SLC9A4: variants seen among roughly 807,000 people sequenced by gnomAD.
The protein encoded by SLC9A4 is sodium/hydrogen exchanger 4.
Under a neutral mutation model 67.4 loss-of-function variants are expected in SLC9A4, and 63 were observed. The ratio of observed to expected loss-of-function variants is 0.93; its 90% CI spans 0.76 to 1.15. The LOEUF is 1.15. Among genes scored for constraint, SLC9A4 ranks in the 50% most tolerant of loss-of-function variants. The pLI, the probability that SLC9A4 is intolerant of heterozygous loss-of-function variation, is 0.00. For synonymous variants in SLC9A4, 393 were observed against 367.2 expected (o/e 1.07, Z -0.80); for missense variants, 1,089 against 987.7 (o/e 1.10, Z -1.38).
intron 2 of SLC9A4, among the ~76,000 whole-genome samples, chr2:102,486,647 G>A (rs937178265): frequency 1.3e-5 from 2 of 152,160 alleles, no homozygotes; most frequent in Non-Finnish European, 2.9e-5. Flanking sequence ...TGTATGGGGG[G>A]CGTGGACCTA....
intron 11 of SLC9A4, among the ~76,000 whole-genome samples, chr2:102,528,424 A>G (rs13022342): frequency 6.6e-6 from 1 of 150,752 alleles, no homozygotes; most frequent in East Asian, 1.9e-4. Flanking sequence ...TTTAATTTAA[A>G]TTTTTTTAGA....
intron 10 of SLC9A4, 94 bp from the exon 11 acceptor site, chr2:102,526,165 G>A (rs917128590): frequency 1.5e-6 from 2 of 1,329,500 alleles, no homozygotes; most frequent in Non-Finnish European, 2.1e-6. Flanking sequence ...TGGGATTACA[G>A]GCGTGAGCCA....
intron 2 of SLC9A4, among the ~76,000 whole-genome samples, chr2:102,502,143 TC>T (rs1339904016): frequency 1.3e-5 from 2 of 152,190 alleles, no homozygotes; most frequent in Non-Finnish European, 2.9e-5. Flanking sequence ...GGGCTGATAT[TC>T]CCAAAGGTCT....
rs190383539 is a variant in SLC9A4, at chr2:102,491,704, G to A, written c.721-11744G>A. Among the ~76,000 whole-genome samples the A allele has an allele frequency of 3.5e-4, 53 of 152,066 alleles. No homozygotes were observed. The East Asian group carries it at 4.3e-3, about 12-fold the overall frequency. On this transcript the variant is annotated intron_variant, in intron 2 of 11. Coordinates refer to ENST00000295269, the MANE Select transcript of SLC9A4 (RefSeq NM_001011552.4). ...CACAGCCAAATCATATTGTTTTACC[G>A]CTGTCCCCTCCCAAATCTCATGTCC...
Position 102,505,255 on chromosome 2 carries a change from A to C in SLC9A4, c.982A>C (p.Ile328Leu). The change falls in exon 4 of 12, where the codon ATC becomes CTC. Residue 328 changes from isoleucine (I) to leucine (L), a missense_variant and splice_region_variant. By Grantham distance (5) the Ile-to-Leu change is conservative. Transcript: ENST00000295269. The stretch of plus-strand genomic sequence containing the variant: ...TCTGAGACTCTGCTCCTTTTATAGA[A>C]TCACAGCCTGCGCAGTAACAATGAA... ...ETLYLSGILA[I>L]TACAVTMKKY... 1 of 1,613,636 alleles carries C rather than the reference A, an allele frequency of 6.2e-7. No individual in the cohort carries two copies. The highest frequency in any genetic ancestry group is 1.1e-5 in the South Asian group (1 of 90,916).
In SLC9A4 at chr2:102,508,750, T is replaced by C. The variant is rs1030132694; in HGVS notation, c.1402-97T>C. ...CTGTAATAGCTAGTACAAAAACATA[T>C]AGATTGGACATTCTAATAGTTTTGT... On this transcript the variant is annotated intron_variant, in intron 5 of 11. Coordinates refer to ENST00000295269, the MANE Select transcript of SLC9A4 (RefSeq NM_001011552.4). 8 of 882,328 alleles carry C rather than the reference T, an allele frequency of 9.1e-6. No individual in the cohort carries two copies. The Admixed American group carries it at 1.1e-4, about 12-fold the overall frequency. The allele number at this position is 882,328 out of a possible 1,614,324, so 54.7% of individuals were successfully genotyped here. A position where few individuals can be genotyped will look rare whatever the true frequency, so the allele number is the denominator to read the frequency against.
intron 2 of SLC9A4, among the ~76,000 whole-genome samples, chr2:102,487,044 G>A (rs1311100191): frequency 2.6e-5 from 4 of 152,234 alleles, no homozygotes; most frequent in Admixed American, 1.3e-4. Flanking sequence ...CTGACCTTCT[G>A]TTGGGGAGGG....
At chr2:102,509,341 A>G (rs1178936419) in intron 6 of SLC9A4, among the ~76,000 whole-genome samples, 1 of 152,204 alleles carries the variant, frequency 6.6e-6, no homozygotes, top group African/African-American at 2.4e-5. Context: ...AAGGAGCTTT[A>G]TGATCCCACT....
chr2:102,483,839 T>TACACACACACACACAC (rs1391182060), intron 2 of SLC9A4, among the ~76,000 whole-genome samples: 2 of 127,942 alleles, frequency 1.6e-5, no homozygotes, highest in African/African-American at 6.2e-5. Flanking sequence ...TATATATATA[T>TACACACACACACACAC]ATACACACAC....
At chr2:102,515,005 C>G (rs538719615) in intron 8 of SLC9A4, among the ~76,000 whole-genome samples, 1 of 152,252 alleles carries the variant, frequency 6.6e-6, no homozygotes, top group South Asian at 2.1e-4. Context: ...GCTGTTTTAA[C>G]TCTGACATTT....
At chr2:102,496,503 GT>G (rs906559672) in intron 2 of SLC9A4, among the ~76,000 whole-genome samples, 2 of 152,198 alleles carry the variant, frequency 1.3e-5, no homozygotes, top group Non-Finnish European at 2.9e-5. Context: ...GATATACCTA[GT>G]TTTTTAGAAA....
chr2:102,503,810 C>G, intron 3 of SLC9A4, 103 bp downstream of exon 3: 1 of 1,439,108 alleles, frequency 6.9e-7, no homozygotes, highest in Non-Finnish European at 9.4e-7. Flanking sequence ...ATGACGCTAA[C>G]CCTCCAACAT....
intron 2 of SLC9A4, among the ~76,000 whole-genome samples, chr2:102,495,473 A>G (rs1053045901): frequency 6.6e-6 from 1 of 152,116 alleles, no homozygotes; most frequent in Non-Finnish European, 1.5e-5. Context: ...GCCCATCAAA[A>G]TCCCAGAAAA....
chr2:102,523,058 T>A (rs1162496333), intron 9 of SLC9A4, among the ~76,000 whole-genome samples: 1 of 151,928 alleles, frequency 6.6e-6, no homozygotes, highest in Admixed American at 6.6e-5. Flanking sequence ...GGCTTTGACC[T>A]CCTAGACTCA....
intron 2 of SLC9A4, among the ~76,000 whole-genome samples, chr2:102,485,757 T>C (rs1684575281): frequency 6.6e-6 from 1 of 152,166 alleles, no homozygotes; most frequent in Admixed American, 6.5e-5. Flanking sequence ...GCTGCCCAGG[T>C]CTCTGTTTCC....
intron 6 of SLC9A4, among the ~76,000 whole-genome samples, chr2:102,510,018 T>C (rs895174003): frequency 7.2e-5 from 11 of 152,264 alleles, no homozygotes; most frequent in Middle Eastern, 3.4e-3. Context: ...TTTTTTTTTT[T>C]TTATAAAGGT....
At chr2:102,503,033 T>C (rs1371541265) in intron 2 of SLC9A4, among the ~76,000 whole-genome samples, 1 of 152,236 alleles carries the variant, frequency 6.6e-6, no homozygotes, top group Non-Finnish European at 1.5e-5. Flanking sequence ...AGGAAGGCCC[T>C]TCTGCCTGCA....
intron 2 of SLC9A4, among the ~76,000 whole-genome samples, chr2:102,485,102 C>T (rs1684559057): frequency 6.6e-6 from 1 of 152,156 alleles, no homozygotes; most frequent in Admixed American, 6.5e-5. Context: ...ACCCCCTGGA[C>T]CCAGACTGTC....
At chr2:102,526,780 G>T (rs955417505) in intron 11 of SLC9A4, among the ~76,000 whole-genome samples, 8 of 151,998 alleles carry the variant, frequency 5.3e-5, no homozygotes, top group Non-Finnish European at 1.0e-4. Context: ...TCACTAAAAT[G>T]ATTTCACCAG....
Sources: allele counts gnomAD v4.1 joint callset (sites outside exome capture counted in the v4.1 genomes callset), GRCh38; gene constraint gnomAD v4.1.1; transcripts MANE v1.5; gene names NCBI Gene and HGNC (gene_info 2026-07-23, HGNC 2026-07-21).